Variants in MID1 observed in about 807,000 individuals in gnomAD.
The protein encoded by MID1 is E3 ubiquitin-protein ligase Midline-1.
MID1 carries 7 observed loss-of-function variants against 40.4 expected under a neutral mutation model. The observed-to-expected ratio is 0.17, with a 90% CI of 0.10 to 0.33. The LOEUF (loss-of-function observed/expected upper bound fraction) is 0.33. Ranked by LOEUF, MID1 falls within the 10% of genes least tolerant of loss-of-function variation. MID1 has a pLI of 1.00. For missense variants in MID1, 367 were observed against 558.5 expected, an observed-to-expected ratio of 0.66 and a Z score of 3.46; for synonymous variants, 229 against 221.2, an observed-to-expected ratio of 1.04 and a Z score of -0.31.
intron 1 of MID1, among the ~76,000 whole-genome samples, chrX:10,746,189 G>C (rs1166288486): frequency 1.8e-5 from 2 of 111,947 alleles, no homozygotes; most frequent in Non-Finnish European, 3.8e-5. Context: ...CTTGGGAAGA[G>C]CCAGAGAGAC....
At chrX:10,637,413 T>A (rs1161961235) in intron 1 of MID1, among the ~76,000 whole-genome samples, 1 of 109,465 alleles carries the variant, frequency 9.1e-6, no homozygotes, top group Non-Finnish European at 1.9e-5. Flanking sequence ...ATCTATGGTA[T>A]CAGGAGTTCA....
chrX:10,821,467 T>A (rs1271368607), intron 1 of MID1, among the ~76,000 whole-genome samples: 1 of 112,258 alleles, frequency 8.9e-6, no homozygotes, highest in East Asian at 2.8e-4. Flanking sequence ...GGAAAAACCC[T>A]ACTAGGACAC....
rs147390399 is a variant in MID1, at chrX:10,497,058, T to C, written c.757-1367A>G. On this transcript the variant is annotated intron_variant, in intron 3 of 9. Transcript: ENST00000317552. ...TAATCATTAGGCTTCATTTCTCTTATTGTTATTTTTATGTCATCATTTCTA... is the reference window on the plus strand; with the variant it reads ...TAATCATTAGGCTTCATTTCTCTTACTGTTATTTTTATGTCATCATTTCTA... Among the ~76,000 whole-genome samples, 846 of 112,628 alleles carry C rather than the reference T, an allele frequency of 7.5e-3. 9 individuals are homozygous for C. Among genetic ancestry groups the C allele is most frequent in the African/African-American group, 0.025 (776 of 31,042 alleles).
At chrX:10,504,395 G>A (rs1315457514) in intron 3 of MID1, among the ~76,000 whole-genome samples, 1 of 111,212 alleles carries the variant, frequency 9.0e-6, no homozygotes, top group African/African-American at 3.3e-5. Context: ...CTAAATGAGT[G>A]AAAACATGAA....
intron 2 of MID1, among the ~76,000 whole-genome samples, chrX:10,556,760 A>C (rs768621755): frequency 8.9e-6 from 1 of 112,470 alleles, no homozygotes; most frequent in Admixed American, 9.4e-5. Context: ...ATGGGTACGC[A>C]ACAACGTTGT....
chrX:10,555,699 A>G (rs965733264), intron 2 of MID1, among the ~76,000 whole-genome samples: 1 of 111,415 alleles, frequency 9.0e-6, no homozygotes, highest in African/African-American at 3.3e-5. Context: ...CACAAAAGGA[A>G]TAGAAGCTGC....
At chrX:10,579,606 C>T (rs758072962) in intron 1 of MID1, among the ~76,000 whole-genome samples, 29 of 111,407 alleles carry the variant, frequency 2.6e-4, no homozygotes, top group Non-Finnish European at 7.5e-5. Context: ...AAGAAAATCG[C>T]TTTTTCCCTC....
chrX:10,735,059 C>T (rs191622479), intron 1 of MID1, among the ~76,000 whole-genome samples: 29 of 111,909 alleles, frequency 2.6e-4, no homozygotes, highest in Admixed American at 6.6e-4. Flanking sequence ...GTATCTCTTC[C>T]CTCCTATTTT....
chrX:10,718,399 T>A (rs1191523359), intron 1 of MID1, among the ~76,000 whole-genome samples: 1 of 111,699 alleles, frequency 9.0e-6, no homozygotes, highest in Non-Finnish European at 1.9e-5. Context: ...CAAACTACCA[T>A]CAGAGAATAC....
intron 1 of MID1, among the ~76,000 whole-genome samples, chrX:10,729,028 G>A (rs1602542367): frequency 9.0e-6 from 1 of 111,540 alleles, no homozygotes; most frequent in South Asian, 3.8e-4. Context: ...TAAATTACCC[G>A]ACAGACATTT....
chrX:10,782,514 C>A (rs961515626), intron 1 of MID1, among the ~76,000 whole-genome samples: 1 of 111,885 alleles, frequency 8.9e-6, no homozygotes, highest in Non-Finnish European at 1.9e-5. Context: ...ATTCAGATTA[C>A]AACAGTGTAG....
chrX:10,549,462 T>A (rs1036257450), intron 2 of MID1, among the ~76,000 whole-genome samples: 1 of 113,468 alleles, frequency 8.8e-6, no homozygotes, highest in African/African-American at 3.2e-5. Flanking sequence ...CCTATTTTTA[T>A]AGAGCTTCAT....
At chrX:10,513,039 A>G (rs1160662460) in intron 3 of MID1, among the ~76,000 whole-genome samples, 4 of 112,426 alleles carry the variant, frequency 3.6e-5, no homozygotes, top group East Asian at 5.5e-4. Flanking sequence ...GACATTTTAT[A>G]TGCATGACTC....
chrX:10,646,535 T>C (rs748057102), intron 1 of MID1, among the ~76,000 whole-genome samples: 6 of 111,088 alleles, frequency 5.4e-5, no homozygotes, highest in Admixed American at 9.6e-5. Context: ...AGGAAAACCA[T>C]AGGGGAAGGA....
chrX:10,586,922 G>A (rs763668741), intron 1 of MID1, among the ~76,000 whole-genome samples: 5 of 112,689 alleles, frequency 4.4e-5, no homozygotes, highest in African/African-American at 1.6e-4. Flanking sequence ...TGGGGCTGAC[G>A]TGAGTTTTTC....
intron 5 of MID1, among the ~76,000 whole-genome samples, chrX:10,477,258 G>C (rs940138716): frequency 1.8e-5 from 2 of 112,393 alleles, no homozygotes; most frequent in Non-Finnish European, 3.8e-5. Flanking sequence ...ATCCAAAATA[G>C]ATTTTGTTCC....
chrX:10,831,374 T>C (rs184205269), intron 1 of MID1, among the ~76,000 whole-genome samples: 1 of 111,768 alleles, frequency 8.9e-6, no homozygotes, highest in African/African-American at 3.3e-5. Context: ...TATTTCCCAT[T>C]GTTTGTTTGT....
chrX:10,651,065 A>G (rs1602496444), intron 1 of MID1, among the ~76,000 whole-genome samples: 1 of 112,017 alleles, frequency 8.9e-6, no homozygotes, highest in East Asian at 2.8e-4. Flanking sequence ...TTTAATGTTC[A>G]TATCACAATG....
At chrX:10,590,315 T>G (rs1204301412) in intron 1 of MID1, among the ~76,000 whole-genome samples, 1 of 111,165 alleles carries the variant, frequency 9.0e-6, no homozygotes, top group Non-Finnish European at 1.9e-5. Flanking sequence ...TACAACAATA[T>G]GAGAGGGTCT....
Sources: allele counts gnomAD v4.1 joint callset (sites outside exome capture counted in the v4.1 genomes callset), GRCh38; gene constraint gnomAD v4.1.1; transcripts MANE v1.5; gene names NCBI Gene and HGNC (gene_info 2026-07-23, HGNC 2026-07-21).